PPARGC1A: variants seen among roughly 807,000 people sequenced by gnomAD.
PPARGC1A encodes peroxisome proliferator-activated receptor gamma coactivator 1-alpha.
PPARGC1A carries 25 observed loss-of-function variants against 88.7 expected under a neutral mutation model. The observed-to-expected ratio is 0.28, with a 90% CI of 0.21 to 0.39. The LOEUF (loss-of-function observed/expected upper bound fraction) is 0.39. Among genes scored for constraint, PPARGC1A ranks in the 10% least tolerant of loss-of-function variants. The pLI is 1.00. For synonymous variants in PPARGC1A, 363 were observed against 355.6 expected (o/e 1.02, Z -0.24); for missense variants, 880 against 968.7 (o/e 0.91, Z 1.22).
chr4:23,987,974 T>C, the PPARGC1A span, among the ~76,000 whole-genome samples: 1 of 151,154 alleles, frequency 6.6e-6, no homozygotes, highest in Non-Finnish European at 1.5e-5. Flanking sequence ...CAGTGTATGA[T>C]GTTCCCTTCC....
the PPARGC1A span, among the ~76,000 whole-genome samples, chr4:24,074,883 C>G: frequency 5.7e-4 from 87 of 152,224 alleles, 1 homozygote; most frequent in Admixed American, 2.6e-3. Context: ...ACACTCACAC[C>G]TGCTCTAAGT....
the PPARGC1A span, among the ~76,000 whole-genome samples, chr4:24,465,208 A>T: frequency 5.0e-3 from 762 of 152,224 alleles, 10 homozygotes; most frequent in African/African-American, 0.018. Flanking sequence ...CCTTATTAAC[A>T]CACACAAAAA....
chr4:24,199,888 T>C, the PPARGC1A span, among the ~76,000 whole-genome samples: 1 of 152,136 alleles, frequency 6.6e-6, no homozygotes, highest in Non-Finnish European at 1.5e-5. Flanking sequence ...AGGAACACTG[T>C]TATCAGCAAA....
At chr4:24,447,262 T>A in the PPARGC1A span, among the ~76,000 whole-genome samples, 5 of 152,172 alleles carry the variant, frequency 3.3e-5, no homozygotes, top group African/African-American at 1.2e-4. Flanking sequence ...CCTGCCCAGC[T>A]CTGCTGAGTA....
At chr4:24,108,114 C>T in the PPARGC1A span, among the ~76,000 whole-genome samples, 10 of 152,168 alleles carry the variant, frequency 6.6e-5, no homozygotes, top group Non-Finnish European at 1.3e-4. Flanking sequence ...TAGAGTCAGT[C>T]TCTTTCCCAT....
chr4:24,050,143 C>T, the PPARGC1A span, among the ~76,000 whole-genome samples: 7 of 150,346 alleles, frequency 4.7e-5, no homozygotes, highest in East Asian at 1.9e-4. Context: ...CTGACTTATA[C>T]GGCTAGAGTT....
At chr4:24,102,431 T>G in the PPARGC1A span, among the ~76,000 whole-genome samples, 4 of 152,208 alleles carry the variant, frequency 2.6e-5, no homozygotes, top group African/African-American at 9.6e-5. Context: ...AGTCACTGAT[T>G]TGTATGAACA....
chr4:24,362,151 G>A, the PPARGC1A span, among the ~76,000 whole-genome samples: 2 of 152,134 alleles, frequency 1.3e-5, no homozygotes, highest in Non-Finnish European at 2.9e-5. Context: ...ATAGTCATGG[G>A]TTCATTCCCA....
intron 1 of PPARGC1A, among the ~76,000 whole-genome samples, chr4:23,896,706 C>A (rs1360007216): frequency 6.6e-6 from 1 of 151,964 alleles, no homozygotes; most frequent in East Asian, 1.9e-4. Flanking sequence ...CTTAATTAGC[C>A]CGGGTGGGGT....
chr4:24,152,693 T>C, the PPARGC1A span, among the ~76,000 whole-genome samples: 2 of 152,236 alleles, frequency 1.3e-5, no homozygotes, highest in South Asian at 2.1e-4. Context: ...TAATTAACTA[T>C]ATCAAGAATT....
At chr4:24,022,471 G>C in the PPARGC1A span, among the ~76,000 whole-genome samples, 2 of 152,272 alleles carry the variant, frequency 1.3e-5, no homozygotes, top group East Asian at 3.9e-4. Context: ...TGATGTAAGT[G>C]CCACGGGGCT....
intron 2 of PPARGC1A, among the ~76,000 whole-genome samples, chr4:23,867,579 A>G (rs989525210): frequency 1.3e-5 from 2 of 152,228 alleles, no homozygotes; most frequent in African/African-American, 2.4e-5. Flanking sequence ...TACTACAGAT[A>G]CCAGAAAAGG....
chr4:24,155,175 C>G, the PPARGC1A span, among the ~76,000 whole-genome samples: 1 of 151,006 alleles, frequency 6.6e-6, no homozygotes, highest in Non-Finnish European at 1.5e-5. Context: ...TCAACAGGCT[C>G]TTGAATTAAA....
chr4:23,943,925 C>T, the PPARGC1A span, among the ~76,000 whole-genome samples: 1 of 151,994 alleles, frequency 6.6e-6, no homozygotes, highest in South Asian at 2.1e-4. Flanking sequence ...CTGACTAGTG[C>T]TCCTCAAAAC....
the PPARGC1A span, among the ~76,000 whole-genome samples, chr4:24,077,923 CATTA>C: frequency 6.6e-6 from 1 of 151,430 alleles, no homozygotes; most frequent in African/African-American, 2.4e-5. Context: ...TTTTCTAGTT[CATTA>C]ATTAATTTTA....
chr4:24,324,132 C>A, the PPARGC1A span, among the ~76,000 whole-genome samples: 1 of 152,188 alleles, frequency 6.6e-6, no homozygotes, highest in Non-Finnish European at 1.5e-5. Flanking sequence ...GGTGTCAAAC[C>A]ACGCAGGGAC....
chr4:24,354,964 T>C, the PPARGC1A span, among the ~76,000 whole-genome samples: 2 of 152,214 alleles, frequency 1.3e-5, no homozygotes, highest in Non-Finnish European at 2.9e-5. Context: ...ACTCTGCCTT[T>C]CTTTTTGCCA....
chr4:24,333,940 C>CAAAAAAA, the PPARGC1A span, among the ~76,000 whole-genome samples: 18 of 13,828 alleles, frequency 1.3e-3, no homozygotes, highest in African/African-American at 3.5e-3. Flanking sequence ...ACAACAACAA[C>CAAAAAAA]AAAAAAAAAA....
At chr4:24,205,690 C>G in the PPARGC1A span, among the ~76,000 whole-genome samples, 5,295 of 152,208 alleles carry the variant, frequency 0.035, 166 homozygotes, top group African/African-American at 0.075. Context: ...AGGGATCCAT[C>G]TTTAGGCTGG....
Sources: allele counts gnomAD v4.1 joint callset (sites outside exome capture counted in the v4.1 genomes callset), GRCh38; gene constraint gnomAD v4.1.1; transcripts MANE v1.5; gene names NCBI Gene and HGNC (gene_info 2026-07-23, HGNC 2026-07-21).